The following LAMA4 variants were observed in gnomAD, a reference collection of about 807,000 sequenced individuals.
LAMA4 encodes laminin subunit alpha-4.
LAMA4 carries 127 observed loss-of-function variants against 207.1 expected under a neutral mutation model. That is an observed-to-expected ratio of 0.61 (90% CI 0.53 to 0.71). The LOEUF (loss-of-function observed/expected upper bound fraction) is 0.71, where lower values mean the gene tolerates loss of function less well. LAMA4 is among the 30% of genes least tolerant of loss of function. LAMA4 has a pLI of 0.00. For synonymous variants in LAMA4, 761 were observed against 816.0 expected (o/e 0.93, Z 1.15); for missense variants, 2,093 against 2,246.5 (o/e 0.93, Z 1.38).
Position 112,114,755 on chromosome 6 carries a change from A to G in LAMA4, c.5114T>C (p.Val1705Ala). 1 of 1,599,084 alleles carries G rather than the reference A, an allele frequency of 6.3e-7. No individual in the cohort carries two copies. Among genetic ancestry groups the G allele is most frequent in the Non-Finnish European group, 8.6e-7 (1 of 1,166,524 alleles). ...YLNVHMKNGQ[V>A]IVKVNNGIRD... Reference sequence around the variant, plus strand: ...GATGCCATTATTGACTTTCACTATGACCTGCAAAAGATAGGACACATTGTA... The same window carrying G: ...GATGCCATTATTGACTTTCACTATGGCCTGCAAAAGATAGGACACATTGTA... Residue 1705 changes from valine (V) to alanine (A), a missense_variant and splice_region_variant, in exon 37 of 39, where the codon GTC (valine) becomes GCC (alanine). By Grantham distance (64) the Val-to-Ala change is moderately conservative. Transcript: ENST00000230538.
intron 5 of LAMA4, among the ~76,000 whole-genome samples, chr6:112,201,076 A>G (rs782541967): frequency 6.6e-5 from 10 of 152,108 alleles, no homozygotes; most frequent in Non-Finnish European, 1.3e-4. Flanking sequence ...ATATGTAAAT[A>G]CCAGCCAGAG....
chr6:112,141,381 G>T lies in LAMA4; in HGVS notation c.2790C>A (p.Tyr930Ter). Reference sequence around the variant, plus strand: ...ACCTTTCAATCTTGACAATGCTGAAGTAAGCAGGCCAGGAACTGACGGGCT... The same window carrying T: ...ACCTTTCAATCTTGACAATGCTGAATTAAGCAGGCCAGGAACTGACGGGCT... ...DSKPVSSWPA[Y>*]FSIVKIERVG... Residue 930 changes from tyrosine to a stop codon, truncating the protein, a stop_gained, in exon 21 of 39, where the codon TAC (tyrosine) becomes TAA (stop). Transcript: ENST00000230538. LOFTEE classifies it high-confidence loss of function. 8.7e-6 allele frequency: 14 copies of T among 1,614,158 alleles called. No homozygotes were observed. Among genetic ancestry groups the T allele is most frequent in the Non-Finnish European group, 1.1e-5 (13 of 1,180,004 alleles).
chr6:112,176,795 T>C (rs1310663810), intron 10 of LAMA4, among the ~76,000 whole-genome samples: 1 of 152,260 alleles, frequency 6.6e-6, no homozygotes, highest in African/African-American at 2.4e-5. Context: ...CCTTTGGTTT[T>C]TGGAGACGAT....
chr6:112,237,789 TC>T (rs1467379909), intron 2 of LAMA4, among the ~76,000 whole-genome samples: 1 of 152,208 alleles, frequency 6.6e-6, no homozygotes, highest in Non-Finnish European at 1.5e-5. Flanking sequence ...TTCTCTCCTT[TC>T]CAGACCACAG....
intron 2 of LAMA4, among the ~76,000 whole-genome samples, chr6:112,231,548 G>A (rs1785561916): frequency 6.6e-6 from 1 of 152,194 alleles, no homozygotes; most frequent in Non-Finnish European, 1.5e-5. Flanking sequence ...CATTAGCAAA[G>A]TCAACCTCAA....
At chr6:112,159,967 A>C (rs1226926182) in intron 13 of LAMA4, among the ~76,000 whole-genome samples, 1 of 151,754 alleles carries the variant, frequency 6.6e-6, no homozygotes, top group Non-Finnish European at 1.5e-5. Flanking sequence ...CCCCCATCTA[A>C]GCCTTACGGT....
rs1780149212 is a variant in LAMA4, at chr6:112,148,169, C to T, written c.2341G>A (p.Ala781Thr). 1.2e-6 allele frequency: 2 copies of T among 1,614,058 alleles called. No homozygotes were observed. Among genetic ancestry groups the T allele is most frequent in the South Asian group, 1.1e-5 (1 of 91,084 alleles). The stretch of plus-strand genomic sequence containing the variant: ...TTCTAAGTGATACCTGCATCCCTAG[C>T]AGAGTTCACTGCAGTGTTGTAAGCA... ...SSAYNTAVNS[A>T]RDAVRNLTEV... The change falls in exon 18 of 39, where the codon GCT becomes ACT. Residue 781 changes from alanine to threonine, a missense_variant. Around this residue, in one of 3 missense-constraint regions of LAMA4, gnomAD observed 1,704 missense variants for 1,788.4 expected, o/e 0.95. Transcript: ENST00000230538.
At chr6:112,139,356 C>T in intron 23 of LAMA4, 65 bp from the exon 24 acceptor site, 2 of 1,545,102 alleles carry the variant, frequency 1.3e-6, no homozygotes, top group East Asian at 2.2e-5. Flanking sequence ...AAGTGAAGCC[C>T]TTTTAACCCA....
intron 30 of LAMA4, among the ~76,000 whole-genome samples, chr6:112,129,571 A>T (rs145038708): frequency 6.6e-6 from 1 of 152,268 alleles, no homozygotes; most frequent in Non-Finnish European, 1.5e-5. Context: ...ACACTGTACA[A>T]GTTGCTTTAT....
Position 112,193,795 on chromosome 6 carries a change from TCCACCCTGGA to T in LAMA4, c.504-1955_504-1946del, listed in dbSNP as rs545178672. Among the ~76,000 whole-genome samples, 613 of 152,228 alleles carry T rather than the reference TCCACCCTGGA, an allele frequency of 4.0e-3. 3 individuals are homozygous for T. Among genetic ancestry groups the T allele is most frequent in the African/African-American group, 0.014 (590 of 41,540 alleles). On this transcript the variant is annotated intron_variant, in intron 5 of 38. Coordinates refer to ENST00000230538, the MANE Select transcript of LAMA4 (RefSeq NM_001105206.3). ...CTGACCCTGGAGTTCTTTCTTTTGC[TCCACCCTGGA>T]CCACACTGCTGCTGCTATAAATGAA...
At chr6:112,130,204 TG>T (rs1778948565) in intron 29 of LAMA4, 164 bp from the exon 30 acceptor site, 2 of 631,872 alleles carry the variant, frequency 3.2e-6, no homozygotes, top group African/African-American at 3.7e-5. Flanking sequence ...ATAAAATGGT[TG>T]GATATTTCTA....
Position 112,132,895 on chromosome 6 carries a change from G to A in LAMA4, c.3697-5C>T, listed in dbSNP as rs1554330356. 1 of 1,612,590 alleles carries A rather than the reference G, an allele frequency of 6.2e-7. No individual in the cohort carries two copies. The highest frequency in any genetic ancestry group is 1.7e-5 in the Admixed American group (1 of 59,988). On this transcript the variant is annotated splice_region_variant and splice_polypyrimidine_tract_variant and intron_variant, in intron 27 of 38. Transcript: ENST00000230538. ...GAAATATGCTCTGCGAGATATCTGT[G>A]TGCCAGAACAAGTGGAGATAGTGTT...
At chr6:112,244,448 C>T (rs1786760636) in intron 2 of LAMA4, among the ~76,000 whole-genome samples, 2 of 152,204 alleles carry the variant, frequency 1.3e-5, no homozygotes. Context: ...AGCATATGAT[C>T]AAGAAATAAC....
chr6:112,243,622 C>T (rs1213262130), intron 2 of LAMA4, among the ~76,000 whole-genome samples: 1 of 152,078 alleles, frequency 6.6e-6, no homozygotes, highest in Non-Finnish European at 1.5e-5. Flanking sequence ...TCTAGCTCTA[C>T]TCAGCTCCAT....
rs1401251919 is a variant in LAMA4 at position 112,108,813 on chromosome 6, G to A, written c.*624C>T. The A allele has an allele frequency of 1.3e-5, 2 of 152,374 alleles. No individual in the cohort carries two copies. Among genetic ancestry groups the A allele is most frequent in the African/African-American group, 4.8e-5 (2 of 41,416 alleles). The allele number at this position is 152,374 out of a possible 1,614,324, so 9.4% of individuals were successfully genotyped here. A position where few individuals can be genotyped will look rare whatever the true frequency, so the allele number is the denominator to read the frequency against. ...AGGAGATAAGGAAGGGGAAAAAGTA[G>A]TTGATTTCCTGTGTTTCTTATTTAG... On this transcript the variant is annotated 3_prime_UTR_variant, in exon 39 of 39. Coordinates refer to ENST00000230538, the MANE Select transcript of LAMA4 (RefSeq NM_001105206.3).
At chr6:112,155,366 G>T in intron 15 of LAMA4, 199 bp downstream of exon 15, 1 of 616,882 alleles carries the variant, frequency 1.6e-6, no homozygotes, top group Non-Finnish European at 2.8e-6. Flanking sequence ...GGCATTTGCT[G>T]ACTGGACTAC....
chr6:112,198,570 C>T (rs1554351231), intron 5 of LAMA4, among the ~76,000 whole-genome samples: 1 of 152,142 alleles, frequency 6.6e-6, no homozygotes, highest in East Asian at 1.9e-4. Context: ...TCTTCTGGCT[C>T]AGTTTCCTCA....
At chr6:112,154,279 C>G (rs1401105555) in intron 16 of LAMA4, among the ~76,000 whole-genome samples, 1 of 150,148 alleles carries the variant, frequency 6.7e-6, no homozygotes, top group African/African-American at 2.5e-5. Flanking sequence ...GATGCAAACA[C>G]TGGCCTTTGG....
intron 18 of LAMA4, among the ~76,000 whole-genome samples, chr6:112,145,458 G>A (rs1779966859): frequency 6.6e-6 from 1 of 152,222 alleles, no homozygotes; most frequent in Non-Finnish European, 1.5e-5. Context: ...GCTTGTACCT[G>A]GAAAGAGAGA....
Sources: allele counts gnomAD v4.1 joint callset (sites outside exome capture counted in the v4.1 genomes callset), GRCh38; gene constraint gnomAD v4.1.1; regional missense constraint gnomAD v4.1.1; transcripts MANE v1.5; gene names NCBI Gene and HGNC (gene_info 2026-07-23, HGNC 2026-07-21).